SLC44A5: variants seen among roughly 807,000 people sequenced by gnomAD.
SLC44A5 encodes choline transporter-like protein 5.
A neutral mutation model predicts 101.8 loss-of-function variants in SLC44A5; 57 were observed. That is an observed-to-expected ratio of 0.56 (90% CI 0.45 to 0.70). The LOEUF (loss-of-function observed/expected upper bound fraction) is 0.70, where lower values mean the gene tolerates loss of function less well. Among genes scored for constraint, SLC44A5 ranks in the 30% least tolerant of loss-of-function variants. The probability of loss-of-function intolerance (pLI) is 0.00; values close to 1 mark genes in which losing one functional copy is unlikely to be tolerated. For synonymous variants in SLC44A5, 281 were observed against 290.9 expected (o/e 0.97, Z 0.35); for missense variants, 737 against 853.1 (o/e 0.86, Z 1.70).
intron 5 of SLC44A5, among the ~76,000 whole-genome samples, chr1:75,297,921 G>T (rs1654098156): frequency 1.3e-5 from 2 of 152,036 alleles, no homozygotes; most frequent in African/African-American, 4.8e-5. Flanking sequence ...GCAAAGAACA[G>T]TTTCTCTCAG....
intron 2 of SLC44A5, among the ~76,000 whole-genome samples, chr1:75,529,697 T>G (rs1670616009): frequency 6.6e-6 from 1 of 152,192 alleles, no homozygotes; most frequent in Non-Finnish European, 1.5e-5. Context: ...GCTTATAAGA[T>G]CTCAGAGTCC....
chr1:75,324,027 C>T (rs751513739), intron 4 of SLC44A5, among the ~76,000 whole-genome samples: 6 of 152,132 alleles, frequency 3.9e-5, no homozygotes, highest in Admixed American at 6.6e-5. Context: ...TAACTCTAGC[C>T]GTGAAGATTT....
intron 3 of SLC44A5, among the ~76,000 whole-genome samples, chr1:75,350,909 AAAGAC>A (rs1197441748): frequency 4.6e-5 from 7 of 151,424 alleles, no homozygotes; most frequent in South Asian, 2.1e-4. Context: ...AAAAAAAAAA[AAAGAC>A]AGAAAGAAAA....
intron 13 of SLC44A5, among the ~76,000 whole-genome samples, chr1:75,227,454 G>T (rs1647230154): frequency 1.3e-5 from 2 of 152,070 alleles, no homozygotes; most frequent in South Asian, 4.1e-4. Flanking sequence ...TAGACCTCAG[G>T]TTAATGCCTA....
Position 75,242,996 on chromosome 1 carries a change from A to C in SLC44A5, c.361T>G (p.Cys121Gly). The change falls in exon 8 of 24, where the codon TGC becomes GGC. Residue 121 changes from cysteine (C) to glycine (G), a missense_variant. By Grantham distance (159) the Cys-to-Gly change is radical (BLOSUM62 -3). Around this residue, in one of 3 missense-constraint regions of SLC44A5, gnomAD observed 665 missense variants for 764.4 expected, o/e 0.87. Transcript: ENST00000370859. ...ACATAGGTTAAAAATTTTTCTGGGC[A>C]CTTGGAGACACAGATCTGTGAACGA... Reference protein sequence around the residue: ...CPTTQICVSKCPEKFLTYVEM... With the variant: ...CPTTQICVSKGPEKFLTYVEM... 6.2e-7 allele frequency: 1 copy of C among 1,611,884 alleles called. No individual in the cohort carries two copies. The highest frequency in any genetic ancestry group is 8.5e-7 in the Non-Finnish European group (1 of 1,178,940).
intron 1 of SLC44A5, among the ~76,000 whole-genome samples, chr1:75,602,091 T>G (rs1675014948): frequency 6.6e-6 from 1 of 152,182 alleles, no homozygotes; most frequent in African/African-American, 2.4e-5. Context: ...ATTAGTATAC[T>G]TTTCTACCAT....
chr1:75,462,981 A>T (rs1200148164), intron 2 of SLC44A5, among the ~76,000 whole-genome samples: 1 of 152,230 alleles, frequency 6.6e-6, no homozygotes, highest in Non-Finnish European at 1.5e-5. Context: ...GTTTATTCAA[A>T]GGGAAAATGA....
intron 3 of SLC44A5, among the ~76,000 whole-genome samples, chr1:75,375,080 G>C (rs1041979250): frequency 1.3e-5 from 2 of 152,166 alleles, no homozygotes; most frequent in African/African-American, 2.4e-5. Flanking sequence ...CGAGATTCAA[G>C]AGAAAATTAA....
intron 5 of SLC44A5, among the ~76,000 whole-genome samples, chr1:75,288,343 A>G (rs976502880): frequency 1.3e-5 from 2 of 152,158 alleles, no homozygotes; most frequent in African/African-American, 4.8e-5. Flanking sequence ...TCTGACATCT[A>G]TTTACCTTAG....
chr1:75,615,104 C>T (rs1675812457), upstream of SLC44A5, among the ~76,000 whole-genome samples: 1 of 152,144 alleles, frequency 6.6e-6, no homozygotes, highest in Non-Finnish European at 1.5e-5. Flanking sequence ...TTGTCCTCCC[C>T]GCCATCGCTT....
intron 1 of SLC44A5, chr1:75,582,080 G>C: frequency 1.4e-6 from 1 of 708,668 alleles, no homozygotes; most frequent in Non-Finnish European, 2.6e-6. Flanking sequence ...CAGGAGCCAC[G>C]GGTTACAGTG....
At chr1:75,254,772 T>C (rs1018096149) in intron 6 of SLC44A5, among the ~76,000 whole-genome samples, 21 of 152,116 alleles carry the variant, frequency 1.4e-4, no homozygotes, top group African/African-American at 4.6e-4. Flanking sequence ...GAGTGAGAAA[T>C]GTAGCCAAAG....
intron 2 of SLC44A5, among the ~76,000 whole-genome samples, chr1:75,449,666 G>GT (rs533198961): frequency 3.0e-4 from 46 of 151,928 alleles, no homozygotes; most frequent in Non-Finnish European, 4.7e-4. Context: ...AAGACGAGTG[G>GT]TTTTTTTTCC....
chr1:75,567,028 T>G (rs1672818023), intron 1 of SLC44A5, among the ~76,000 whole-genome samples: 1 of 152,222 alleles, frequency 6.6e-6, no homozygotes, highest in South Asian at 2.1e-4. Context: ...CGTATTTTCC[T>G]AATCCAGTAG....
At chr1:75,368,579 T>TGTTTATAA (rs1660011610) in intron 3 of SLC44A5, among the ~76,000 whole-genome samples, 1 of 152,188 alleles carries the variant, frequency 6.6e-6, no homozygotes, top group African/African-American at 2.4e-5. Context: ...TCTACTTTAA[T>TGTTTATAA]AGGTACCTTC....
chr1:75,331,330 T>C (rs1461581616), intron 4 of SLC44A5, among the ~76,000 whole-genome samples: 2 of 152,172 alleles, frequency 1.3e-5, no homozygotes, highest in Admixed American at 1.3e-4. Context: ...ATCTGTACTA[T>C]AGGGGAGCAT....
In SLC44A5 at chr1:75,217,923, T is replaced by G. The variant is rs1289658313; in HGVS notation, c.1567A>C (p.Ile523Leu). The change falls in exon 18 of 24, where the codon ATT becomes CTT. Residue 523 changes from isoleucine to leucine, a missense_variant. By Grantham distance (5) the Ile-to-Leu change is conservative. Transcript: ENST00000370859. ...ATTTTAAACATTTGAATTAATGCAA[T>G]AATTAAAGATCCAAATGCTAGGGAT... is the stretch of plus-strand genomic sequence containing the variant. ...TGSLAFGSLI[I>L]ALIQMFKIVL... The G allele has an allele frequency of 6.2e-7, 1 of 1,606,170 alleles. No homozygotes were observed. Among genetic ancestry groups the G allele is most frequent in the Non-Finnish European group, 8.5e-7 (1 of 1,173,086 alleles).
chr1:75,373,864 C>A (rs1437368818), intron 3 of SLC44A5, among the ~76,000 whole-genome samples: 2 of 152,126 alleles, frequency 1.3e-5, no homozygotes, highest in Non-Finnish European at 2.9e-5. Flanking sequence ...CCCTACCCCC[C>A]AGGATTCAAG....
intron 4 of SLC44A5, among the ~76,000 whole-genome samples, chr1:75,303,184 G>C (rs1654630901): frequency 6.6e-6 from 1 of 152,150 alleles, no homozygotes; most frequent in Non-Finnish European, 1.5e-5. Flanking sequence ...CAGTTTCAAA[G>C]AACAGAGCAC....
Sources: gnomAD v4.1 joint callset for allele counts (sites outside exome capture counted in the v4.1 genomes callset) on GRCh38, gnomAD v4.1.1 for gene constraint, gnomAD v4.1.1 regional missense constraint, MANE v1.5 for transcripts, NCBI Gene and HGNC (gene_info 2026-07-23, HGNC 2026-07-21) for gene names.